The following NUP93 variants were observed in gnomAD, a reference collection of about 807,000 sequenced individuals.
The protein encoded by NUP93 is nucleoporin 93.
In NUP93, 55 loss-of-function variants were observed where a neutral mutation model predicts 107.8. The ratio of observed to expected loss-of-function variants is 0.51; its 90% CI spans 0.41 to 0.64. The LOEUF is 0.64. NUP93 is among the 30% of genes least tolerant of loss of function. The pLI is 0.00. For missense variants in NUP93, 937 were observed against 1,044.7 expected (o/e 0.90, Z 1.42); for synonymous variants, 390 against 397.5 (o/e 0.98, Z 0.22).
At chr16:56,812,481 C>T (rs1189232103) in intron 5 of NUP93, among the ~76,000 whole-genome samples, 1 of 152,060 alleles carries the variant, frequency 6.6e-6, no homozygotes, top group Admixed American at 6.6e-5. Flanking sequence ...ATAGCTGGGA[C>T]TACAGGCGCC....
At chr16:56,760,966 A>C (rs1962116151) in intron 3 of NUP93, among the ~76,000 whole-genome samples, 1 of 151,894 alleles carries the variant, frequency 6.6e-6, no homozygotes, top group Non-Finnish European at 1.5e-5. Flanking sequence ...CTCAAAAAAA[A>C]CCAAAAAAAA....
At chr16:56,796,187 G>GTAT in intron 3 of NUP93, among the ~76,000 whole-genome samples, 1 of 152,302 alleles carries the variant, frequency 6.6e-6, no homozygotes, top group Admixed American at 6.5e-5. Context: ...ATACACTAAT[G>GTAT]TGCCACATAA....
rs1461742982 is a variant in NUP93 at position 56,833,234 on chromosome 16, G to T, written c.1365G>T (p.Val455=). 1 of 1,597,482 alleles carries T rather than the reference G, an allele frequency of 6.3e-7. No homozygotes were observed. Among genetic ancestry groups the T allele is most frequent in the South Asian group, 1.1e-5 (1 of 88,442 alleles). The part of the protein sequence containing the change: ...LEDYGESHFT[V]NQQPFLYFQV... ...TCCCAGGCGAGTCCCACTTTACGGTGAACCAGCAACCCTTCCTCTACTTCC... is the reference window on the plus strand; with the variant it reads ...TCCCAGGCGAGTCCCACTTTACGGTTAACCAGCAACCCTTCCTCTACTTCC... The change falls in exon 13 of 22, where the codon GTG becomes GTT. Residue 455 remains valine (V), a synonymous_variant. Coordinates refer to ENST00000308159, the MANE Select transcript of NUP93 (RefSeq NM_014669.5).
At chr16:56,793,294 A>T (rs1184653093) in intron 3 of NUP93, among the ~76,000 whole-genome samples, 1 of 152,128 alleles carries the variant, frequency 6.6e-6, no homozygotes, top group Non-Finnish European at 1.5e-5. Context: ...GGTGTTCTTT[A>T]TTGAGCTGAC....
intron 3 of NUP93, among the ~76,000 whole-genome samples, chr16:56,785,031 A>G (rs1206022511): frequency 6.6e-6 from 1 of 152,220 alleles, no homozygotes; most frequent in African/African-American, 2.4e-5. Context: ...AGATCTCAGC[A>G]TAATTTTTTA....
Position 56,847,912 on chromosome 16 carries a change from T to G in NUP93, c.*3303T>G, listed in dbSNP as rs1003687906. 1.3e-5 allele frequency: 2 copies of G among 152,164 alleles called. No individual in the cohort carries two copies. Among genetic ancestry groups the G allele is most frequent in the African/African-American group, 4.8e-5 (2 of 41,452 alleles). 9.4% of individuals were successfully genotyped at this position (152,164 alleles called of 1,614,324 possible). ...CATTTAAATCCTAGAACAGGCAGCTTTAAAGCAAAGAACTACAGACTTTTC... is the reference window on the plus strand; with the variant it reads ...CATTTAAATCCTAGAACAGGCAGCTGTAAAGCAAAGAACTACAGACTTTTC... On this transcript the variant is annotated 3_prime_UTR_variant, in exon 22 of 22. Transcript: ENST00000308159.
At chr16:56,768,859 T>C (rs1881685913) in intron 3 of NUP93, among the ~76,000 whole-genome samples, 1 of 106,664 alleles carries the variant, frequency 9.4e-6, no homozygotes, top group South Asian at 3.8e-4. Flanking sequence ...AGAGCAAGAC[T>C]CTGTCTCAAA....
intron 6 of NUP93, among the ~76,000 whole-genome samples, chr16:56,821,290 G>A (rs112993954): frequency 2.6e-5 from 4 of 152,112 alleles, no homozygotes; most frequent in Admixed American, 1.3e-4. Flanking sequence ...CGCTGCTCCC[G>A]TTCCTCAGGT....
At chr16:56,818,791 AG>A in intron 6 of NUP93, 53 bp downstream of exon 6, 6 of 1,441,438 alleles carry the variant, frequency 4.2e-6, no homozygotes, top group Non-Finnish European at 5.7e-6. Flanking sequence ...GTGAACCTCT[AG>A]GGAGTAAAAG....
At chr16:56,813,642 A>G (rs1485441121) in intron 5 of NUP93, among the ~76,000 whole-genome samples, 9 of 152,114 alleles carry the variant, frequency 5.9e-5, no homozygotes, top group Non-Finnish European at 5.9e-5. Context: ...CCCAAACACA[A>G]CCTGTCAGTG....
chr16:56,807,945 CA>C (rs1963179756), intron 5 of NUP93, among the ~76,000 whole-genome samples: 1 of 150,728 alleles, frequency 6.6e-6, no homozygotes, highest in African/African-American at 2.4e-5. Context: ...TCACTTGAAC[CA>C]GGGGAGTCGG....
intron 1 of NUP93, among the ~76,000 whole-genome samples, chr16:56,745,985 ATTTC>A (rs1439798043): frequency 3.3e-5 from 5 of 152,098 alleles, no homozygotes; most frequent in African/African-American, 1.2e-4. Context: ...TATTAGTTGT[ATTTC>A]TTTCTTCCTT....
chr16:56,829,141 C>A, intron 9 of NUP93, 32 bp downstream of exon 9: 1 of 1,604,204 alleles, frequency 6.2e-7, no homozygotes, highest in Non-Finnish European at 8.5e-7. Context: ...TGATCAGTTA[C>A]ACCCCCAGAG....
chr16:56,766,833 G>A (rs1962224487), intron 3 of NUP93, among the ~76,000 whole-genome samples: 2 of 148,102 alleles, frequency 1.4e-5, no homozygotes, highest in Non-Finnish European at 1.5e-5. Context: ...ATTACATAGA[G>A]GGGAGACCCT....
At chr16:56,822,987 GTGCTA>G (rs1324707181) in intron 7 of NUP93, among the ~76,000 whole-genome samples, 1 of 152,142 alleles carries the variant, frequency 6.6e-6, no homozygotes, top group Non-Finnish European at 1.5e-5. Flanking sequence ...TCTCCAATCA[GTGCTA>G]TCCTGCAAGG....
intron 8 of NUP93, among the ~76,000 whole-genome samples, chr16:56,826,238 G>T (rs1447383317): frequency 6.6e-6 from 1 of 152,110 alleles, no homozygotes; most frequent in Admixed American, 6.5e-5. Flanking sequence ...CAGGCCGGGC[G>T]CAGTGGCTCA....
At chr16:56,740,132 C>CTG in intron 1 of NUP93, among the ~76,000 whole-genome samples, 1 of 131,526 alleles carries the variant, frequency 7.6e-6, no homozygotes, top group Admixed American at 8.0e-5. Context: ...GGCTGACCCC[C>CTG]CCACCTCCCT....
At chr16:56,832,031 C>G (rs748973811) in intron 11 of NUP93, 24 bp downstream of exon 11, 9 of 1,612,786 alleles carry the variant, frequency 5.6e-6, no homozygotes, top group African/African-American at 4.0e-5. Flanking sequence ...CCCCTGCCCA[C>G]ATAGGGCTTT....
chr16:56,829,940 G>A (rs549164768), intron 9 of NUP93, among the ~76,000 whole-genome samples: 3 of 152,346 alleles, frequency 2.0e-5, no homozygotes, highest in African/African-American at 4.8e-5. Flanking sequence ...AGACAGAAGC[G>A]TAAGCGCAGG....
Sources: allele counts gnomAD v4.1 joint callset (sites outside exome capture counted in the v4.1 genomes callset), GRCh38; gene constraint gnomAD v4.1.1; transcripts MANE v1.5; gene names NCBI Gene and HGNC (gene_info 2026-07-23, HGNC 2026-07-21).